Variants in ANO4 observed in about 807,000 individuals in gnomAD.
ANO4 encodes anoctamin 4.
In ANO4, 69 loss-of-function variants were observed where a neutral mutation model predicts 141.9. The observed-to-expected ratio is 0.49, with a 90% CI of 0.40 to 0.59. The LOEUF (loss-of-function observed/expected upper bound fraction) is 0.59, where lower values mean the gene tolerates loss of function less well. Ranked by LOEUF, ANO4 falls within the 20% of genes least tolerant of loss-of-function variation. The pLI, the probability that ANO4 is intolerant of heterozygous loss-of-function variation, is 0.00. For synonymous variants in ANO4, 350 were observed against 394.3 expected (o/e 0.89, Z 1.33); for missense variants, 894 against 1,162.2 (o/e 0.77, Z 3.36).
intron 5 of ANO4, among the ~76,000 whole-genome samples, chr12:100,947,362 GC>G (rs2042769560): frequency 6.6e-6 from 1 of 152,120 alleles, no homozygotes; most frequent in African/African-American, 2.4e-5. Flanking sequence ...CTGCCTCTGT[GC>G]CCACAAATGC....
chr12:100,759,477 A>G (rs2032762506), intron 3 of ANO4, among the ~76,000 whole-genome samples: 1 of 152,168 alleles, frequency 6.6e-6, no homozygotes, highest in East Asian at 1.9e-4. Flanking sequence ...CTTCAGGGAT[A>G]TCAAGAGGGA....
chr12:100,894,598 T>C (rs1487461832), intron 1 of ANO4, among the ~76,000 whole-genome samples: 1 of 152,132 alleles, frequency 6.6e-6, no homozygotes, highest in Non-Finnish European at 1.5e-5. Context: ...CTTCCGCATG[T>C]ATACCTACGT....
intron 7 of ANO4, among the ~76,000 whole-genome samples, chr12:100,982,476 A>G (rs542578627): frequency 8.5e-4 from 130 of 152,354 alleles, no homozygotes; most frequent in African/African-American, 2.9e-3. Flanking sequence ...ACAGACATCA[A>G]TCTACTAGGG....
intron 3 of ANO4, among the ~76,000 whole-genome samples, chr12:100,747,699 C>T (rs934650899): frequency 1.1e-4 from 17 of 152,134 alleles, no homozygotes; most frequent in Non-Finnish European, 2.9e-5. Context: ...ATGGTGAAAC[C>T]CTGTCTCTAC....
intron 8 of ANO4, among the ~76,000 whole-genome samples, chr12:101,006,969 A>T (rs2045897684): frequency 6.6e-6 from 1 of 152,158 alleles, no homozygotes; most frequent in Non-Finnish European, 1.5e-5. Flanking sequence ...TTAAAAGAAA[A>T]AGATGTTCAC....
At chr12:100,870,570 C>T (rs1158369544) in intron 1 of ANO4, among the ~76,000 whole-genome samples, 1 of 151,922 alleles carries the variant, frequency 6.6e-6, no homozygotes, top group African/African-American at 2.4e-5. Flanking sequence ...TTTCAAATAC[C>T]ATCACAGTAT....
intron 14 of ANO4, among the ~76,000 whole-genome samples, chr12:101,054,783 G>A (rs1011231181): frequency 1.3e-5 from 2 of 151,746 alleles, no homozygotes; most frequent in African/African-American, 4.9e-5. Context: ...CACCGTGCCC[G>A]GCCTAAGAGA....
intron 1 of ANO4, among the ~76,000 whole-genome samples, chr12:100,892,987 C>A (rs1166886226): frequency 6.6e-6 from 1 of 152,104 alleles, no homozygotes; most frequent in East Asian, 1.9e-4. Flanking sequence ...AAATAAGACA[C>A]AGTCCTGGCC....
chr12:100,762,180 A>G (rs7309756), intron 3 of ANO4, among the ~76,000 whole-genome samples: 4,756 of 152,278 alleles, frequency 0.031, 246 homozygotes, highest in African/African-American at 0.11. Flanking sequence ...ATGATTCTAA[A>G]TGCTGGGATT....
At chr12:100,941,961 ATT>A (rs2042538604) in intron 4 of ANO4, among the ~76,000 whole-genome samples, 2 of 53,528 alleles carry the variant, frequency 3.7e-5, no homozygotes, top group African/African-American at 2.1e-4. Context: ...GAAAAAAATT[ATT>A]ATTATTATTA....
chr12:100,975,224 G>A (rs1270173392), intron 7 of ANO4, among the ~76,000 whole-genome samples: 1 of 150,640 alleles, frequency 6.6e-6, no homozygotes, highest in Admixed American at 6.6e-5. Context: ...ACGTGGATAA[G>A]TTATTTAGTG....
At chr12:100,950,037 T>A (rs1273221153) in intron 5 of ANO4, among the ~76,000 whole-genome samples, 1 of 152,170 alleles carries the variant, frequency 6.6e-6, no homozygotes, top group African/African-American at 2.4e-5. Context: ...TCCCCATTTA[T>A]ATACTGCAGC....
At chr12:100,792,751 G>A (rs967270421), upstream of ANO4, among the ~76,000 whole-genome samples, 2 of 152,018 alleles carry the variant, frequency 1.3e-5, no homozygotes, top group African/African-American at 4.8e-5. Context: ...TGTATTCAAG[G>A]TATGAACCCG....
intron 1 of ANO4, among the ~76,000 whole-genome samples, chr12:100,837,998 C>G (rs1380530137): frequency 6.6e-6 from 1 of 152,092 alleles, no homozygotes; most frequent in African/African-American, 2.4e-5. Context: ...TGAGCCTTGA[C>G]TATTCAATAT....
chr12:100,747,569 T>C (rs1454579463), intron 3 of ANO4, among the ~76,000 whole-genome samples: 1 of 152,180 alleles, frequency 6.6e-6, no homozygotes, highest in Non-Finnish European at 1.5e-5. Context: ...TCTGGTGGGA[T>C]TGTGTTTCTA....
intron 3 of ANO4, among the ~76,000 whole-genome samples, chr12:100,749,434 G>A (rs2032266479): frequency 6.6e-6 from 1 of 152,208 alleles, no homozygotes; most frequent in Non-Finnish European, 1.5e-5. Context: ...ACATTGCTGA[G>A]CTTTCTTCAA....
chr12:100,729,972 A>G (rs1277459143), intron 1 of ANO4, among the ~76,000 whole-genome samples: 1 of 151,994 alleles, frequency 6.6e-6, no homozygotes. Flanking sequence ...CTGATTTCTC[A>G]TTATGCTTTT....
intron 5 of ANO4, among the ~76,000 whole-genome samples, chr12:100,944,045 G>T (rs1009618088): frequency 2.6e-5 from 4 of 152,148 alleles, no homozygotes; most frequent in African/African-American, 9.7e-5. Flanking sequence ...TTCAATTAAT[G>T]CAAGATTTAT....
intron 14 of ANO4, among the ~76,000 whole-genome samples, chr12:101,075,986 A>C (rs1215440673): frequency 6.6e-6 from 1 of 152,178 alleles, no homozygotes; most frequent in African/African-American, 2.4e-5. Flanking sequence ...CTTCTTCCTC[A>C]AATGAATGGG....
Sources: gnomAD v4.1 joint callset for allele counts (sites outside exome capture counted in the v4.1 genomes callset) on GRCh38, gnomAD v4.1.1 for gene constraint, MANE v1.5 for transcripts, NCBI Gene and HGNC (gene_info 2026-07-23, HGNC 2026-07-21) for gene names.